Variants in LRCH1 observed in about 807,000 individuals in gnomAD.
LRCH1 encodes leucine rich repeats and calponin homology domain containing 1, also known as leucine-rich repeat and calponin homology domain-containing protein 1.
Under a neutral mutation model 94.9 loss-of-function variants are expected in LRCH1, and 23 were observed. The observed-to-expected ratio is 0.24, with a 90% CI of 0.17 to 0.34. The LOEUF (loss-of-function observed/expected upper bound fraction) is 0.34, where lower values mean the gene tolerates loss of function less well. LRCH1 is among the 10% of genes least tolerant of loss of function. The pLI, the probability that LRCH1 is intolerant of heterozygous loss-of-function variation, is 1.00. For missense variants in LRCH1, 790 were observed against 945.9 expected, an observed-to-expected ratio of 0.84 and a Z score of 2.16; for synonymous variants, 364 against 354.9, an observed-to-expected ratio of 1.03 and a Z score of -0.29.
At chr13:46,657,471 T>C (rs1473651454) in intron 2 of LRCH1, among the ~76,000 whole-genome samples, 1 of 146,090 alleles carries the variant, frequency 6.8e-6, no homozygotes, top group African/African-American at 2.5e-5. Context: ...CTTTCTTTCT[T>C]CTTTCATTTT....
chr13:46,652,703 G>C (rs2051323041), intron 2 of LRCH1, among the ~76,000 whole-genome samples: 1 of 152,056 alleles, frequency 6.6e-6, no homozygotes, highest in Non-Finnish European at 1.5e-5. Flanking sequence ...ATGTGTAGTT[G>C]GTCTGTTTAC....
downstream of LRCH1, among the ~76,000 whole-genome samples, chr13:46,745,068 A>T (rs1178564964): frequency 6.6e-6 from 1 of 152,178 alleles, no homozygotes; most frequent in African/African-American, 2.4e-5. Flanking sequence ...CCTGGTCCTC[A>T]AAAAGCTTAC....
chr13:46,705,269 G>T lies in LRCH1; in HGVS notation c.1492G>T (p.Gly498Cys), dbSNP rs373706493. The T allele has an allele frequency of 1.9e-6, 3 of 1,612,288 alleles. No individual in the cohort carries two copies. In the African/African-American group the frequency reaches 4.0e-5, roughly 22 times the overall value. ...ALELQDSALN[G>C]QIQLETSPVC... ...TTTTTTCTTTCCTTGTTCTCACAGT[G>T]GTCAAATACAGCTGGAGACATCTCC... is the stretch of plus-strand genomic sequence containing the variant. Residue 498 changes from glycine (G) to cysteine (C), a missense_variant and splice_region_variant, in exon 13 of 20, where the codon GGT becomes TGT. Physicochemically the swap from Gly to Cys is radical, Grantham distance 159. Coordinates refer to ENST00000389797, the MANE Select transcript of LRCH1 (RefSeq NM_001164211.2).
At chr13:46,593,894 T>C (rs958372351) in intron 1 of LRCH1, among the ~76,000 whole-genome samples, 1 of 152,200 alleles carries the variant, frequency 6.6e-6, no homozygotes, top group Non-Finnish European at 1.5e-5. Context: ...AAAATGAACT[T>C]TTTTTCTTCT....
chr13:46,642,689 G>A (rs1015129673), intron 1 of LRCH1, among the ~76,000 whole-genome samples: 1 of 152,146 alleles, frequency 6.6e-6, no homozygotes, highest in Admixed American at 6.6e-5. Context: ...TATTTCTCAG[G>A]TACTAGCCTG....
At chr13:46,678,024 T>C (rs2051700709) in intron 3 of LRCH1, among the ~76,000 whole-genome samples, 1 of 152,240 alleles carries the variant, frequency 6.6e-6, no homozygotes, top group Admixed American at 6.5e-5. Context: ...TTGACTATTT[T>C]AATAAATAAC....
At chr13:46,563,069 AAAATC>A (rs569592389) in intron 1 of LRCH1, among the ~76,000 whole-genome samples, 7 of 152,362 alleles carry the variant, frequency 4.6e-5, no homozygotes, top group Admixed American at 4.6e-4. Context: ...TGTTACATCT[AAAATC>A]AAATGAGTTA....
chr13:46,586,707 C>G (rs180742008), intron 1 of LRCH1, among the ~76,000 whole-genome samples: 183 of 152,296 alleles, frequency 1.2e-3, no homozygotes, highest in African/African-American at 4.1e-3. Flanking sequence ...GCGTGAGCCA[C>G]CATGCCCAGC....
At chr13:46,652,067 T>G (rs113520944) in intron 2 of LRCH1, among the ~76,000 whole-genome samples, 3,185 of 123,996 alleles carry the variant, frequency 0.026, 289 homozygotes, top group East Asian at 0.097. Flanking sequence ...TTTTTTTTTT[T>G]TTTTTTTTGT....
intron 1 of LRCH1, among the ~76,000 whole-genome samples, chr13:46,580,250 A>T (rs1229535433): frequency 6.6e-6 from 1 of 152,218 alleles, no homozygotes; most frequent in Admixed American, 6.5e-5. Context: ...TCTTGTCATC[A>T]AATTATAACC....
chr13:46,608,693 A>G (rs1156317525), intron 1 of LRCH1, among the ~76,000 whole-genome samples: 1 of 152,058 alleles, frequency 6.6e-6, no homozygotes, highest in East Asian at 1.9e-4. Flanking sequence ...TACCATTGAA[A>G]TTTAGTTACT....
At chr13:46,630,252 G>T (rs568151407) in intron 1 of LRCH1, among the ~76,000 whole-genome samples, 2 of 152,312 alleles carry the variant, frequency 1.3e-5, no homozygotes, top group East Asian at 3.9e-4. Flanking sequence ...GGGTGGAACA[G>T]CAGATGGATG....
intron 1 of LRCH1, among the ~76,000 whole-genome samples, chr13:46,558,807 C>T (rs1285814499): frequency 1.3e-5 from 2 of 152,062 alleles, no homozygotes; most frequent in Non-Finnish European, 2.9e-5. Flanking sequence ...GCATTTAAGC[C>T]TGTCTTTCTG....
intron 1 of LRCH1, among the ~76,000 whole-genome samples, chr13:46,619,394 C>G (rs1462032844): frequency 5.9e-5 from 9 of 152,030 alleles, no homozygotes; most frequent in Non-Finnish European, 1.2e-4. Context: ...ACAGGCGTGA[C>G]CCACCACGCC....
intron 1 of LRCH1, among the ~76,000 whole-genome samples, chr13:46,620,548 G>A (rs1299602051): frequency 2.0e-5 from 3 of 152,120 alleles, no homozygotes; most frequent in Non-Finnish European, 4.4e-5. Context: ...AAGGGAGAGT[G>A]TGTATTAATT....
intron 2 of LRCH1, among the ~76,000 whole-genome samples, chr13:46,666,042 T>C (rs12430990): frequency 0.065 from 9,862 of 152,228 alleles, 411 homozygotes; most frequent in East Asian, 0.21. Context: ...TGATAAAATA[T>C]ATGAAGTAGA....
At chr13:46,684,764 G>T (rs1870520074) in intron 4 of LRCH1, among the ~76,000 whole-genome samples, 1 of 152,166 alleles carries the variant, frequency 6.6e-6, no homozygotes, top group Admixed American at 6.5e-5. Context: ...TGCCAGAGGG[G>T]AGACAAGCTG....
intron 2 of LRCH1, among the ~76,000 whole-genome samples, chr13:46,651,556 G>A (rs2051298808): frequency 6.6e-6 from 1 of 151,628 alleles, no homozygotes. Context: ...GCTACTCAAC[G>A]AAGCTGAGGC....
At chr13:46,750,710 C>T (rs1483484037) in exon 19 of LRCH1, 1 of 1,160,470 alleles carries the variant, frequency 8.6e-7, no homozygotes, top group Non-Finnish European at 1.3e-6. Context: ...CTGAACTCTG[C>T]TCCAGGCACC....
Sources: allele counts gnomAD v4.1 joint callset (sites outside exome capture counted in the v4.1 genomes callset), GRCh38; gene constraint gnomAD v4.1.1; transcripts MANE v1.5; gene names NCBI Gene and HGNC (gene_info 2026-07-23, HGNC 2026-07-21).